The following RAP1GDS1 variants were observed in gnomAD, a reference collection of about 807,000 sequenced individuals.
RAP1GDS1 encodes Rap1 GTPase-GDP dissociation stimulator 1, also known as RAP1, GTP-GDP dissociation stimulator 1.
A neutral mutation model predicts 71.1 loss-of-function variants in RAP1GDS1; 35 were observed. The ratio of observed to expected loss-of-function variants is 0.49; its 90% CI spans 0.38 to 0.65. The LOEUF (loss-of-function observed/expected upper bound fraction) is 0.65. Among genes scored for constraint, RAP1GDS1 ranks in the 30% least tolerant of loss-of-function variants. The pLI, the probability that RAP1GDS1 is intolerant of heterozygous loss-of-function variation, is 0.00. For synonymous variants in RAP1GDS1, 229 were observed against 243.1 expected, an observed-to-expected ratio of 0.94 and a Z score of 0.54; for missense variants, 663 against 706.1, an observed-to-expected ratio of 0.94 and a Z score of 0.69.
Position 98,442,205 on chromosome 4 carries a change from C to G in RAP1GDS1, c.*88C>G, listed in dbSNP as rs1751972631. ...TTCTTCCGCTTCATTCTCTACCATA[C>G]CACTTGTGCATGCATGTGATGTTCT... On this transcript the variant is annotated 3_prime_UTR_variant, in exon 15 of 15. Transcript: ENST00000408927. 1 of 1,509,058 alleles carries G rather than the reference C, an allele frequency of 6.6e-7. No individual in the cohort carries two copies. The highest frequency in any genetic ancestry group is 9.0e-7 in the Non-Finnish European group (1 of 1,116,988). The allele number at this position is 1,509,058 out of a possible 1,614,324, so 93.5% of individuals were successfully genotyped here.
intron 1 of RAP1GDS1, among the ~76,000 whole-genome samples, chr4:98,274,669 CTTA>C (rs923497783): frequency 3.9e-5 from 6 of 152,060 alleles, no homozygotes; most frequent in Non-Finnish European, 8.8e-5. Flanking sequence ...AATATTCTTG[CTTA>C]TTATTATTTT....
chr4:98,423,321 A>G (rs1749144781), intron 12 of RAP1GDS1, among the ~76,000 whole-genome samples: 1 of 152,246 alleles, frequency 6.6e-6, no homozygotes, highest in Non-Finnish European at 1.5e-5. Context: ...AAAACAGCAT[A>G]ATTTTTTAAA....
At chr4:98,271,399 G>C (rs1424040070) in intron 1 of RAP1GDS1, among the ~76,000 whole-genome samples, 2 of 152,080 alleles carry the variant, frequency 1.3e-5, no homozygotes, top group African/African-American at 4.8e-5. Flanking sequence ...CCTGATTTGT[G>C]ATGGCTGTCA....
At chr4:98,405,292 A>G (rs1687901561) in intron 7 of RAP1GDS1, among the ~76,000 whole-genome samples, 1 of 152,162 alleles carries the variant, frequency 6.6e-6, no homozygotes, top group Non-Finnish European at 1.5e-5. Context: ...AATAAATGGA[A>G]ATTTCTGAAT....
intron 4 of RAP1GDS1, among the ~76,000 whole-genome samples, chr4:98,370,779 C>T (rs562769066): frequency 6.6e-6 from 1 of 152,204 alleles, no homozygotes; most frequent in South Asian, 2.1e-4. Flanking sequence ...CCATGTTGGC[C>T]AGGCTGGTCT....
chr4:98,384,294 T>G (rs141061178), intron 5 of RAP1GDS1, among the ~76,000 whole-genome samples: 196 of 151,766 alleles, frequency 1.3e-3, no homozygotes, highest in African/African-American at 4.6e-3. Context: ...TGTTGAAGAC[T>G]TATTGGGCAG....
At chr4:98,298,597 C>T (rs1308361176) in intron 2 of RAP1GDS1, among the ~76,000 whole-genome samples, 1 of 152,076 alleles carries the variant, frequency 6.6e-6, no homozygotes, top group Non-Finnish European at 1.5e-5. Context: ...ATGTTTTAAG[C>T]CCACTGTTGA....
At chr4:98,272,599 T>C (rs1435788287) in intron 1 of RAP1GDS1, among the ~76,000 whole-genome samples, 1 of 152,144 alleles carries the variant, frequency 6.6e-6, no homozygotes, top group Non-Finnish European at 1.5e-5. Context: ...TTTCAGTGCA[T>C]CTCATCAATT....
chr4:98,279,691 T>C (rs1210986895), intron 1 of RAP1GDS1, among the ~76,000 whole-genome samples: 1 of 152,178 alleles, frequency 6.6e-6, no homozygotes, highest in Non-Finnish European at 1.5e-5. Context: ...ATATGTGCCA[T>C]GTTGGTTTGC....
intron 2 of RAP1GDS1, among the ~76,000 whole-genome samples, chr4:98,341,547 CT>C (rs1289860676): frequency 6.6e-6 from 1 of 152,174 alleles, no homozygotes; most frequent in Non-Finnish European, 1.5e-5. Context: ...TGATTCATGC[CT>C]TATGCCAGAC....
At position 98,363,765 on chromosome 4, in the gene RAP1GDS1, A is replaced by G. The variant is rs565035116; in HGVS notation, c.361+11164A>G. Among the ~76,000 whole-genome samples, 7 of 152,278 alleles carry G rather than the reference A, an allele frequency of 4.6e-5. No individual in the cohort carries two copies. The East Asian group carries it at 1.4e-3, about 29-fold the overall frequency. ...TGGAAAAGGAGTTGAGAAGCATGGA[A>G]ATTAAGAGTTAAGAAGGGAAGCATT... On this transcript the variant is annotated intron_variant, in intron 4 of 14. Coordinates refer to ENST00000408927, the MANE Select transcript of RAP1GDS1 (RefSeq NM_001100427.2).
Position 98,433,904 on chromosome 4 carries a change from A to G in RAP1GDS1, c.1441-32A>G, listed in dbSNP as rs199545392. ...GCATGTTCCTTATGTTTAAAATTAAAGTCTATAATTCTCTGATATTATTTA... is the reference window on the plus strand; with the variant it reads ...GCATGTTCCTTATGTTTAAAATTAAGGTCTATAATTCTCTGATATTATTTA... On this transcript the variant is annotated intron_variant, in intron 12 of 14. Transcript: ENST00000408927. 128 of 1,564,308 alleles carry G rather than the reference A, an allele frequency of 8.2e-5. 1 individual carries two copies. In the East Asian group the frequency reaches 2.0e-3, roughly 24 times the overall value.
At chr4:98,419,336 G>A (rs1425840157) in intron 10 of RAP1GDS1, among the ~76,000 whole-genome samples, 1 of 152,060 alleles carries the variant, frequency 6.6e-6, no homozygotes, top group Non-Finnish European at 1.5e-5. Flanking sequence ...TTACAGGTGA[G>A]AGCTACTGCA....
chr4:98,373,001 T>C (rs1285323845), intron 4 of RAP1GDS1, among the ~76,000 whole-genome samples: 1 of 152,248 alleles, frequency 6.6e-6, no homozygotes, highest in African/African-American at 2.4e-5. Context: ...GTTTTTACTT[T>C]AGACAGTCAA....
At chr4:98,328,290 A>G (rs973303691) in intron 2 of RAP1GDS1, among the ~76,000 whole-genome samples, 3 of 152,234 alleles carry the variant, frequency 2.0e-5, no homozygotes, top group Admixed American at 6.5e-5. Context: ...GTTAAATTTC[A>G]GTTATGGCAT....
intron 7 of RAP1GDS1, among the ~76,000 whole-genome samples, chr4:98,410,045 G>A (rs1746798424): frequency 6.6e-6 from 1 of 152,166 alleles, no homozygotes; most frequent in South Asian, 2.1e-4. Context: ...GCAAGACGAG[G>A]ATCACTTGAG....
chr4:98,424,693 G>A (rs779293303), intron 12 of RAP1GDS1, among the ~76,000 whole-genome samples: 38 of 151,736 alleles, frequency 2.5e-4, no homozygotes, highest in East Asian at 3.9e-4. Context: ...CCTGGGAAGC[G>A]GAGGTTGCAG....
intron 2 of RAP1GDS1, among the ~76,000 whole-genome samples, chr4:98,293,879 G>GGGA (rs1284058714): frequency 6.6e-6 from 1 of 151,984 alleles, no homozygotes; most frequent in Admixed American, 6.6e-5. Flanking sequence ...GGGGAGAGTG[G>GGGA]GGAGGGAGAG....
rs181982269 is a variant in RAP1GDS1, at chr4:98,434,057, A to G, written c.1562A>G (p.Glu521Gly). The G allele has an allele frequency of 6.2e-7, 1 of 1,613,650 alleles. No individual in the cohort carries two copies. The highest frequency in any genetic ancestry group is 2.2e-5 in the East Asian group (1 of 44,840). The change falls in exon 13 of 15, where the codon GAA becomes GGA. Residue 521 changes from glutamate (E) to glycine (G), a missense_variant. Coordinates refer to ENST00000408927, the MANE Select transcript of RAP1GDS1 (RefSeq NM_001100427.2). ...GCTTTGGCATTAATAGCAGCTTTAG[A>G]ATTGGGTAAGTACCCCAGTGACAAA... is the stretch of plus-strand genomic sequence containing the variant. Reference protein sequence around the residue: ...LVALALIAALELGTAEKDLES... With the variant: ...LVALALIAALGLGTAEKDLES...
Sources: gnomAD v4.1 joint callset for allele counts (sites outside exome capture counted in the v4.1 genomes callset) on GRCh38, gnomAD v4.1.1 for gene constraint, MANE v1.5 for transcripts, NCBI Gene and HGNC (gene_info 2026-07-23, HGNC 2026-07-21) for gene names.